Variants in SCAPER observed in about 807,000 individuals in gnomAD.
The protein encoded by SCAPER is S phase cyclin A-associated protein in the endoplasmic reticulum.
A neutral mutation model predicts 182.2 loss-of-function variants in SCAPER; 98 were observed. The observed-to-expected ratio is 0.54, with a 90% CI of 0.46 to 0.64. The LOEUF (loss-of-function observed/expected upper bound fraction) is 0.64. SCAPER is among the 30% of genes least tolerant of loss of function. The pLI, the probability that SCAPER is intolerant of heterozygous loss-of-function variation, is 0.00. For synonymous variants in SCAPER, 605 were observed against 564.6 expected (o/e 1.07, Z -1.01); for missense variants, 1,432 against 1,690.0 (o/e 0.85, Z 2.68).
chr15:76,774,327 T>C (rs2063623708), intron 9 of SCAPER: 1 of 342,820 alleles, frequency 2.9e-6, no homozygotes, highest in Non-Finnish European at 5.5e-6. Flanking sequence ...CAAAGACAGG[T>C]GGAGGAACTA....
intron 21 of SCAPER, among the ~76,000 whole-genome samples, chr15:76,660,535 G>A (rs1016498046): frequency 1.3e-5 from 2 of 152,070 alleles, no homozygotes; most frequent in African/African-American, 4.8e-5. Flanking sequence ...ATGGGAACAT[G>A]GAACATAGAT....
intron 14 of SCAPER, among the ~76,000 whole-genome samples, chr15:76,763,072 C>T (rs921658981): frequency 5.3e-5 from 8 of 152,106 alleles, no homozygotes; most frequent in Non-Finnish European, 8.8e-5. Flanking sequence ...TTCCTTCATA[C>T]GCTTTTACAT....
chr15:76,844,439 T>C (rs1363370044), intron 4 of SCAPER, among the ~76,000 whole-genome samples: 1 of 152,084 alleles, frequency 6.6e-6, no homozygotes, highest in Non-Finnish European at 1.5e-5. Flanking sequence ...ATTTTCTTCA[T>C]GTTCACAGAC....
intron 22 of SCAPER, among the ~76,000 whole-genome samples, chr15:76,587,927 T>TTTA (rs2048799057): frequency 8.6e-6 from 1 of 116,590 alleles, no homozygotes; most frequent in Non-Finnish European, 1.8e-5. Context: ...TTTTCTTTTC[T>TTTA]TTTTTTTTTT....
chr15:76,784,454 T>C lies in SCAPER; in HGVS notation c.773-9337A>G, dbSNP rs139863463. On this transcript the variant is annotated intron_variant, in intron 8 of 31. Transcript: ENST00000563290. ...AGAATCAATATTGTGAAAATGGCCA[T>C]ACTGCCCAAGGTAATTTACAGACTC... 3.9e-5 allele frequency among the ~76,000 whole-genome samples: 6 copies of C among 152,312 alleles called. No individual in the cohort carries two copies. The East Asian group carries it at 1.2e-3, about 29-fold the overall frequency.
In SCAPER at chr15:76,753,936, G is replaced by A. The variant is rs754421669; in HGVS notation, c.1738C>T (p.Arg580Trp). 4.3e-6 allele frequency: 7 copies of A among 1,611,750 alleles called. No individual in the cohort carries two copies. In the Admixed American group the frequency reaches 5.0e-5, roughly 12 times the overall value. The change falls in exon 15 of 32, where the codon CGG becomes TGG. Residue 580 changes from arginine (R) to tryptophan (W), a missense_variant. This residue lies in a region of SCAPER where 88 missense variants were observed against 184.2 expected (regional missense o/e 0.48). Transcript: ENST00000563290. ...TCTAGCAATTCTTCCTTCCACTTCC[G>A]GACATCCTTCTCCTACGTATAGTGA... ...QKLLEREKDV[R>W]KWKEELLDQR...
intron 2 of SCAPER, among the ~76,000 whole-genome samples, chr15:76,879,093 T>A (rs959466608): frequency 2.6e-5 from 4 of 152,184 alleles, no homozygotes; most frequent in African/African-American, 7.2e-5. Flanking sequence ...GCCTCCAGTC[T>A]CAACTTGTAC....
At chr15:76,853,615 A>G (rs926860819) in intron 4 of SCAPER, among the ~76,000 whole-genome samples, 8 of 152,196 alleles carry the variant, frequency 5.3e-5, no homozygotes, top group Admixed American at 2.6e-4. Flanking sequence ...ATAACTCAAC[A>G]TATCTTCACG....
intron 1 of SCAPER, among the ~76,000 whole-genome samples, chr15:76,899,162 CTCTCGCTCTCCG>C (rs1384202829): frequency 2.0e-5 from 3 of 152,082 alleles, no homozygotes; most frequent in Non-Finnish European, 4.4e-5. Context: ...CTCCCTCTCC[CTCTCGCTCTCCG>C]TCTCCCTCTT....
rs548222594 is a variant in SCAPER, at chr15:76,837,620, G to A, written c.393+4114C>T. 1.3e-4 allele frequency among the ~76,000 whole-genome samples: 20 copies of A among 152,280 alleles called. No homozygotes were observed. The South Asian group carries it at 2.7e-3, about 21-fold the overall frequency. The stretch of plus-strand genomic sequence containing the variant: ...AACTACAATTCAAGATGAGATTTGG[G>A]TGGGGACAGAGCCAAACCATATCAA... On this transcript the variant is annotated intron_variant, in intron 5 of 31. Transcript: ENST00000563290.
intron 29 of SCAPER, among the ~76,000 whole-genome samples, chr15:76,361,432 GT>G (rs1467392683): frequency 6.6e-6 from 1 of 152,162 alleles, no homozygotes; most frequent in Admixed American, 6.5e-5. Flanking sequence ...CGAGTGCCCA[GT>G]TTTTCCACAA....
intron 24 of SCAPER, among the ~76,000 whole-genome samples, chr15:76,498,135 A>C (rs1320734665): frequency 6.6e-6 from 1 of 152,080 alleles, no homozygotes; most frequent in African/African-American, 2.4e-5. Flanking sequence ...GCTGTTCCAC[A>C]AAGGTAACAC....
intron 26 of SCAPER, among the ~76,000 whole-genome samples, chr15:76,411,642 T>C (rs1218371538): frequency 1.3e-5 from 2 of 152,184 alleles, no homozygotes; most frequent in African/African-American, 4.8e-5. Flanking sequence ...GGTAAATACC[T>C]AAGAGTAGAA....
chr15:76,870,574 A>G (rs1480635165), intron 2 of SCAPER, among the ~76,000 whole-genome samples: 1 of 152,106 alleles, frequency 6.6e-6, no homozygotes, highest in African/African-American at 2.4e-5. Flanking sequence ...GATACCTTAA[A>G]AGAATCAAGT....
chr15:76,542,134 C>G (rs1359396531), intron 23 of SCAPER, among the ~76,000 whole-genome samples: 1 of 152,018 alleles, frequency 6.6e-6, no homozygotes, highest in African/African-American at 2.4e-5. Context: ...TAGACAAAAC[C>G]CTAGATCTAA....
chr15:76,701,259 T>C (rs2058933530), intron 20 of SCAPER, among the ~76,000 whole-genome samples: 1 of 152,112 alleles, frequency 6.6e-6, no homozygotes, highest in Admixed American at 6.6e-5. Flanking sequence ...GACAATAAAT[T>C]CATAGATTAG....
intron 27 of SCAPER, among the ~76,000 whole-genome samples, chr15:76,382,094 T>C (rs1430507654): frequency 6.6e-6 from 1 of 152,174 alleles, no homozygotes; most frequent in Admixed American, 6.5e-5. Context: ...GGTAGGGAGA[T>C]TCTTCAGCTG....
At chr15:76,729,567 G>T (rs894621075) in intron 16 of SCAPER, among the ~76,000 whole-genome samples, 1 of 151,992 alleles carries the variant, frequency 6.6e-6, no homozygotes, top group African/African-American at 2.4e-5. Context: ...GAGCACAGTG[G>T]GTGTAAGAGT....
chr15:76,535,430 G>A (rs745932803), intron 23 of SCAPER, among the ~76,000 whole-genome samples: 4 of 144,970 alleles, frequency 2.8e-5, no homozygotes, highest in Non-Finnish European at 4.5e-5. Flanking sequence ...GCTGAGGCAG[G>A]AGAATGGTGT....
Sources: gnomAD v4.1 joint callset for allele counts (sites outside exome capture counted in the v4.1 genomes callset) on GRCh38, gnomAD v4.1.1 for gene constraint, gnomAD v4.1.1 regional missense constraint, MANE v1.5 for transcripts, NCBI Gene and HGNC (gene_info 2026-07-23, HGNC 2026-07-21) for gene names.